NEMF: variants seen among roughly 807,000 people sequenced by gnomAD.
The protein encoded by NEMF is nuclear export mediator factor, also known as ribosome quality control complex subunit NEMF.
In NEMF, 89 loss-of-function variants were observed where a neutral mutation model predicts 162.2. The ratio of observed to expected loss-of-function variants is 0.55; its 90% confidence interval spans 0.46 to 0.65. NEMF has a LOEUF of 0.65. NEMF is among the 30% of genes least tolerant of loss of function. The pLI, the probability that NEMF is intolerant of heterozygous loss-of-function variation, is 0.00. For missense variants in NEMF, 1,133 were observed against 1,261.9 expected (o/e 0.90, Z 1.55); for synonymous variants, 421 against 404.5 (o/e 1.04, Z -0.49).
intron 3 of NEMF, among the ~76,000 whole-genome samples, chr14:49,848,172 C>A (rs1002630974): frequency 1.3e-5 from 2 of 152,074 alleles, no homozygotes; most frequent in African/African-American, 2.4e-5. Flanking sequence ...CCAGCTTATT[C>A]CTACAAACTT....
chr14:49,794,774 A>G (rs560737958), intron 26 of NEMF, among the ~76,000 whole-genome samples: 22 of 144,074 alleles, frequency 1.5e-4, no homozygotes, highest in African/African-American at 5.5e-4. Context: ...GCTGCGGTGC[A>G]GTGGCGTGAT....
intron 16 of NEMF, among the ~76,000 whole-genome samples, chr14:49,823,421 A>G (rs1013393156): frequency 4.6e-5 from 7 of 152,012 alleles, no homozygotes; most frequent in Non-Finnish European, 1.0e-4. Flanking sequence ...CAAAAAAAAA[A>G]AGTCCTCTCT....
At chr14:49,800,331 A>T in intron 23 of NEMF, 89 bp downstream of exon 23, 1 of 961,448 alleles carries the variant, frequency 1.0e-6, no homozygotes, top group Non-Finnish European at 1.5e-6. Context: ...AAAAGTACTG[A>T]TGTCAATCTT....
intron 18 of NEMF, among the ~76,000 whole-genome samples, chr14:49,811,801 G>A (rs201677431): frequency 9.1e-4 from 138 of 152,124 alleles, no homozygotes; most frequent in Middle Eastern, 3.4e-3. Context: ...CTTTGTCATC[G>A]TATATAGTCA....
intron 26 of NEMF, among the ~76,000 whole-genome samples, chr14:49,792,647 A>T (rs1485983021): frequency 6.6e-6 from 1 of 152,180 alleles, no homozygotes; most frequent in Non-Finnish European, 1.5e-5. Flanking sequence ...CAATTAATAT[A>T]TTTTTCTCAA....
At chr14:49,822,918 C>CA (rs1892152111) in intron 16 of NEMF, among the ~76,000 whole-genome samples, 1 of 145,278 alleles carries the variant, frequency 6.9e-6, no homozygotes, top group Admixed American at 7.3e-5. Flanking sequence ...CTAGCATTAT[C>CA]AGAGTCCCCT....
At chr14:49,809,497 AAATCTGTATGAT>A (rs1172803619) in intron 18 of NEMF, among the ~76,000 whole-genome samples, 1 of 152,212 alleles carries the variant, frequency 6.6e-6, no homozygotes, top group Non-Finnish European at 1.5e-5. Flanking sequence ...CAACCAAACT[AAATCTGTATGAT>A]AATACAATGG....
intron 18 of NEMF, among the ~76,000 whole-genome samples, chr14:49,813,566 G>A (rs138771334): frequency 6.6e-6 from 1 of 152,192 alleles, no homozygotes; most frequent in East Asian, 1.9e-4. Context: ...TTTGCTTTAT[G>A]CATTCTAGGG....
chr14:49,791,543 C>T (rs1217762730), intron 26 of NEMF, among the ~76,000 whole-genome samples: 1 of 151,874 alleles, frequency 6.6e-6, no homozygotes, highest in East Asian at 1.9e-4. Flanking sequence ...TCGAGACCAT[C>T]CTGACCAACA....
At chr14:49,792,879 G>A (rs1264070889) in intron 26 of NEMF, among the ~76,000 whole-genome samples, 4 of 152,094 alleles carry the variant, frequency 2.6e-5, no homozygotes, top group Non-Finnish European at 5.9e-5. Context: ...TGTTTGGGAA[G>A]CTGAGGTATT....
At chr14:49,852,547 A>C (rs537842662) in intron 1 of NEMF, 148 bp downstream of exon 1, 70 of 798,628 alleles carry the variant, frequency 8.8e-5, no homozygotes, top group Non-Finnish European at 1.4e-4. Context: ...CGGGAAAGAC[A>C]CCACACGCCT....
intron 26 of NEMF, among the ~76,000 whole-genome samples, chr14:49,791,553 A>G (rs1230988813): frequency 6.6e-6 from 1 of 151,990 alleles, no homozygotes; most frequent in African/African-American, 2.4e-5. Context: ...CCTGACCAAC[A>G]TGGTGAAACT....
intron 18 of NEMF, among the ~76,000 whole-genome samples, chr14:49,811,746 A>C (rs1891490108): frequency 6.6e-6 from 1 of 152,182 alleles, no homozygotes; most frequent in Non-Finnish European, 1.5e-5. Flanking sequence ...TATTACATTA[A>C]TTTCCATATA....
At chr14:49,844,634 GTTTT>G (rs1363826966) in intron 4 of NEMF, among the ~76,000 whole-genome samples, 1 of 151,444 alleles carries the variant, frequency 6.6e-6, no homozygotes, top group Non-Finnish European at 1.5e-5. Context: ...CACTAAATTT[GTTTT>G]TTATTTTTTA....
chr14:49,810,775 G>A (rs967098611), intron 18 of NEMF, among the ~76,000 whole-genome samples: 8 of 152,162 alleles, frequency 5.3e-5, no homozygotes, highest in South Asian at 2.1e-4. Context: ...TGGACTGCTC[G>A]AGCTCAGGAG....
At chr14:49,850,492 A>C (rs962477803) in intron 3 of NEMF, among the ~76,000 whole-genome samples, 3 of 152,246 alleles carry the variant, frequency 2.0e-5, no homozygotes, top group African/African-American at 7.2e-5. Context: ...GAGGTTAAGT[A>C]ACTTTTCCAG....
At position 49,782,383 on chromosome 14, in the gene NEMF, G is replaced by C. The variant is rs967079042; in HGVS notation, c.*2253C>G. On this transcript the variant is annotated 3_prime_UTR_variant, in exon 33 of 33. Coordinates refer to ENST00000298310, the MANE Select transcript of NEMF (RefSeq NM_004713.6). ...TTTTAAATGCAGGTTATGGCACACA[G>C]CTTGTGCCAGCGATGAAGGAGAAGT... 1 of 1,611,742 alleles carries C rather than the reference G, an allele frequency of 6.2e-7. No homozygotes were observed. Among genetic ancestry groups the C allele is most frequent in the Admixed American group, 1.7e-5 (1 of 59,792 alleles).
intron 25 of NEMF, among the ~76,000 whole-genome samples, chr14:49,799,164 C>T (rs1001298160): frequency 3.3e-5 from 4 of 121,096 alleles, no homozygotes; most frequent in Non-Finnish European, 3.2e-5. Context: ...GCCATGACTG[C>T]GCCATAGCAC....
intron 4 of NEMF, 112 bp downstream of exon 4, chr14:49,846,028 G>T: frequency 1.2e-6 from 1 of 833,230 alleles, no homozygotes. Context: ...TCCTAGGGTA[G>T]TAACAACCTT....
Sources: gnomAD v4.1 joint callset for allele counts (sites outside exome capture counted in the v4.1 genomes callset) on GRCh38, gnomAD v4.1.1 for gene constraint, MANE v1.5 for transcripts, NCBI Gene and HGNC (gene_info 2026-07-23, HGNC 2026-07-21) for gene names.